GADL1: variants seen among roughly 807,000 people sequenced by gnomAD.
GADL1 encodes the protein acidic amino acid decarboxylase GADL1.
In GADL1, 71 loss-of-function variants were observed where a neutral mutation model predicts 69.5. The observed-to-expected ratio is 1.02, with a 90% CI of 0.84 to 1.25. The LOEUF (loss-of-function observed/expected upper bound fraction) is 1.25. GADL1 is among the 50% of genes most tolerant of loss of function. The pLI is 0.00. For synonymous variants in GADL1, 254 were observed against 214.4 expected, an observed-to-expected ratio of 1.18 and a Z score of -1.62; for missense variants, 737 against 631.8, an observed-to-expected ratio of 1.17 and a Z score of -1.79.
intron 14 of GADL1, among the ~76,000 whole-genome samples, chr3:30,741,033 AAT>A (rs1441587497): frequency 8.0e-6 from 1 of 125,160 alleles, no homozygotes; most frequent in Non-Finnish European, 1.6e-5. Flanking sequence ...TATATTATAT[AAT>A]ATATATTTGA....
intron 9 of GADL1, among the ~76,000 whole-genome samples, chr3:30,837,462 C>A (rs1697892940): frequency 6.6e-6 from 1 of 152,072 alleles, no homozygotes; most frequent in African/African-American, 2.4e-5. Flanking sequence ...TTTACATTCC[C>A]TTATAAAGAT....
chr3:30,762,026 T>A (rs898901827), intron 14 of GADL1, among the ~76,000 whole-genome samples: 1 of 152,126 alleles, frequency 6.6e-6, no homozygotes, highest in African/African-American at 2.4e-5. Context: ...GGTCTTGCAA[T>A]GTGACGTGGG....
At chr3:30,794,164 A>AC (rs1441318661) in intron 12 of GADL1, among the ~76,000 whole-genome samples, 1 of 151,974 alleles carries the variant, frequency 6.6e-6, no homozygotes, top group Non-Finnish European at 1.5e-5. Flanking sequence ...ATAACAATAC[A>AC]CCCCTCGGTA....
intron 14 of GADL1, among the ~76,000 whole-genome samples, chr3:30,760,793 G>C (rs147571240): frequency 1.6e-4 from 25 of 152,198 alleles, no homozygotes; most frequent in African/African-American, 6.0e-4. Flanking sequence ...TTCTCCACAT[G>C]TTTTTCTTCA....
chr3:30,873,294 G>T (rs1047152739), intron 1 of GADL1, among the ~76,000 whole-genome samples: 5 of 151,832 alleles, frequency 3.3e-5, no homozygotes, highest in Admixed American at 6.6e-5. Flanking sequence ...TATATATGAG[G>T]TTATTTCATT....
intron 6 of GADL1, among the ~76,000 whole-genome samples, chr3:30,845,773 G>T (rs1161224240): frequency 6.6e-6 from 1 of 152,148 alleles, no homozygotes; most frequent in East Asian, 1.9e-4. Flanking sequence ...TAACCTGCCT[G>T]CCATAGCTAA....
intron 1 of GADL1, among the ~76,000 whole-genome samples, chr3:30,878,589 T>C (rs909895089): frequency 3.9e-5 from 6 of 151,904 alleles, no homozygotes; most frequent in African/African-American, 9.7e-5. Flanking sequence ...GCATAACTTA[T>C]CTACTGAGAC....
At chr3:30,849,394 C>G (rs1206010112) in intron 6 of GADL1, among the ~76,000 whole-genome samples, 1 of 152,058 alleles carries the variant, frequency 6.6e-6, no homozygotes, top group Non-Finnish European at 1.5e-5. Context: ...GAAATTAACT[C>G]ACTCAAGGTT....
At chr3:30,869,762 CAT>C (rs1174148342) in intron 1 of GADL1, among the ~76,000 whole-genome samples, 8 of 151,768 alleles carry the variant, frequency 5.3e-5, no homozygotes, top group African/African-American at 1.9e-4. Context: ...ATGAGATAGT[CAT>C]AAAATATTGA....
intron 11 of GADL1, among the ~76,000 whole-genome samples, chr3:30,829,851 T>C (rs886544718): frequency 2.0e-5 from 3 of 151,840 alleles, no homozygotes; most frequent in Non-Finnish European, 2.9e-5. Context: ...ACATGAAAAA[T>C]CATAATTACA....
chr3:30,792,155 C>T (rs6763790), intron 12 of GADL1, among the ~76,000 whole-genome samples: 9,873 of 152,226 alleles, frequency 0.065, 566 homozygotes, highest in South Asian at 0.23. Context: ...GGTCTTACAC[C>T]AGAGTTTTCA....
rs112517408 is a variant in GADL1 at position 30,859,097 on chromosome 3, G to C, written c.211-1956C>G. ...CTTGACTTAGAGAGGTGGGGGCGGA[G>C]GCCAGATTGCTTTGAAGTGAGAATG... On this transcript the variant is annotated intron_variant, in intron 2 of 14. Transcript: ENST00000282538. Among the ~76,000 whole-genome samples, 385 of 152,020 alleles carry C rather than the reference G, an allele frequency of 2.5e-3. 4 individuals carry two copies. Among genetic ancestry groups the C allele is most frequent in the African/African-American group, 8.7e-3 (360 of 41,508 alleles).
At chr3:30,832,350 A>C (rs567609481) in intron 11 of GADL1, among the ~76,000 whole-genome samples, 6 of 151,954 alleles carry the variant, frequency 3.9e-5, no homozygotes, top group Non-Finnish European at 5.9e-5. Context: ...AAAAAAAAAA[A>C]AAACCCTGTT....
intron 1 of GADL1, among the ~76,000 whole-genome samples, chr3:30,872,126 A>G (rs2125541350): frequency 6.6e-6 from 1 of 152,078 alleles, no homozygotes; most frequent in East Asian, 1.9e-4. Context: ...TTGAACTTCT[A>G]TAATGGGTAC....
intron 9 of GADL1, among the ~76,000 whole-genome samples, chr3:30,834,550 G>A (rs1468432540): frequency 1.3e-5 from 2 of 152,026 alleles, no homozygotes; most frequent in Non-Finnish European, 2.9e-5. Context: ...GCTATGTGTG[G>A]ATGGAAGAGG....
intron 8 of GADL1, among the ~76,000 whole-genome samples, chr3:30,840,372 C>T (rs1259799526): frequency 2.0e-5 from 3 of 152,034 alleles, no homozygotes; most frequent in East Asian, 3.9e-4. Context: ...ATCCATTTGC[C>T]ATCTTGGGAG....
intron 11 of GADL1, among the ~76,000 whole-genome samples, chr3:30,815,883 G>A (rs952204177): frequency 3.9e-5 from 6 of 152,202 alleles, no homozygotes; most frequent in Admixed American, 6.5e-5. Context: ...CATGGATTGC[G>A]GACTAAGCAT....
intron 14 of GADL1, among the ~76,000 whole-genome samples, chr3:30,771,894 C>T (rs1003330848): frequency 6.6e-5 from 9 of 135,832 alleles, no homozygotes; most frequent in African/African-American, 1.8e-4. Context: ...TATTTCTAGC[C>T]GCTCCTAAGT....
At chr3:30,881,231 T>A (rs1482412158) in intron 1 of GADL1, among the ~76,000 whole-genome samples, 2 of 151,990 alleles carry the variant, frequency 1.3e-5, no homozygotes, top group Non-Finnish European at 2.9e-5. Context: ...TTCATTTACA[T>A]ACACTTTGTA....
Sources: allele counts gnomAD v4.1 joint callset (sites outside exome capture counted in the v4.1 genomes callset), GRCh38; gene constraint gnomAD v4.1.1; transcripts MANE v1.5; gene names NCBI Gene and HGNC (gene_info 2026-07-23, HGNC 2026-07-21).